Variants in NIFK observed in about 807,000 individuals in gnomAD.
The protein encoded by NIFK is MKI67 FHA domain-interacting nucleolar phosphoprotein.
Under a neutral mutation model 31.7 loss-of-function variants are expected in NIFK, and 16 were observed. The ratio of observed to expected loss-of-function variants is 0.50; its 90% CI spans 0.34 to 0.77. NIFK has a LOEUF of 0.77. NIFK is among the 30% of genes least tolerant of loss of function. The probability of loss-of-function intolerance (pLI) is 0.01; values close to 1 mark genes in which losing one functional copy is unlikely to be tolerated. For missense variants in NIFK, 341 were observed against 350.4 expected (o/e 0.97, Z 0.21); for synonymous variants, 126 against 123.0 (o/e 1.02, Z -0.16).
In NIFK at chr2:121,731,054, T is replaced by C. The variant is rs184802204; in HGVS notation, c.403A>G (p.Asn135Asp). The change falls in exon 4 of 7, where the codon AAT becomes GAT. Residue 135 changes from asparagine (N) to aspartate (D), a missense_variant. Transcript: ENST00000285814. Reference sequence around the variant, plus strand: ...TATGATGGCTGCTTAAATGGAATATTCCAGTCTTTAAAGAGTTCTTTATGT... The same window carrying C: ...TATGATGGCTGCTTAAATGGAATATCCCAGTCTTTAAAGAGTTCTTTATGT... ...KVHKELFKDW[N>D]IPFKQPSYPS... is the part of the protein sequence containing the mutation. The C allele has an allele frequency of 6.2e-7, 1 of 1,612,430 alleles. No homozygotes were observed. Among genetic ancestry groups the C allele is most frequent in the South Asian group, 1.1e-5 (1 of 90,752 alleles).
At position 121,731,024 on chromosome 2, in the gene NIFK, A is replaced by G. The variant is rs548777022; in HGVS notation, c.433T>C (p.Ser145Pro). The change falls in exon 4 of 7, where the codon TCA becomes CCA. Residue 145 changes from serine (S) to proline (P), a missense_variant. Physicochemically the swap from Ser to Pro is moderately conservative, Grantham distance 74 (BLOSUM62 -1). Coordinates refer to ENST00000285814, the MANE Select transcript of NIFK (RefSeq NM_032390.5). ...CGATTCCGATTATACCGTTTCACTG[A>G]TGGATATGATGGCTGCTTAAATGGA... ...NIPFKQPSYP[S>P]VKRYNRNRTL... The G allele has an allele frequency of 6.2e-7, 1 of 1,612,612 alleles. No individual in the cohort carries two copies. The highest frequency in any genetic ancestry group is 1.3e-5 in the African/African-American group (1 of 75,000).
chr2:121,730,789 G>A (rs747952316), intron 4 of NIFK, 104 bp downstream of exon 4: 13 of 756,180 alleles, frequency 1.7e-5, no homozygotes, highest in Middle Eastern at 2.4e-4. Context: ...AAGTTGCAGT[G>A]AGTCAAGATT....
intron 3 of NIFK, among the ~76,000 whole-genome samples, chr2:121,731,359 A>C (rs2074538167): frequency 6.6e-6 from 1 of 152,052 alleles, no homozygotes; most frequent in Non-Finnish European, 1.5e-5. Context: ...TTTGCCTCCC[A>C]AGGGCAGCAG....
At chr2:121,735,829 A>G (rs1417916702) in intron 1 of NIFK, 79 bp from the exon 2 acceptor site, 1 of 1,224,636 alleles carries the variant, frequency 8.2e-7, no homozygotes. Context: ...CCCTCGGCCC[A>G]AGAACCTATT....
intron 4 of NIFK, among the ~76,000 whole-genome samples, chr2:121,729,211 C>A (rs1186129370): frequency 6.6e-6 from 1 of 151,546 alleles, no homozygotes; most frequent in Non-Finnish European, 1.5e-5. Flanking sequence ...AAAAAAAATA[C>A]AAAAAATTAG....
intron 2 of NIFK, among the ~76,000 whole-genome samples, chr2:121,732,459 T>C (rs985675242): frequency 6.6e-6 from 1 of 152,176 alleles, no homozygotes; most frequent in Non-Finnish European, 1.5e-5. Flanking sequence ...ACACAATTCC[T>C]ATGGCTGGAA....
chr2:121,735,687 C>G lies in NIFK; in HGVS notation c.169G>C (p.Asp57His). The change falls in exon 2 of 7, where the codon GAC (aspartate) becomes CAC (histidine). Residue 57 changes from aspartate (D) to histidine (H), a missense_variant. Asp to His is a moderately conservative substitution (Grantham distance 81). Coordinates refer to ENST00000285814, the MANE Select transcript of NIFK (RefSeq NM_032390.5). The part of the protein sequence containing the change: ...VYVRHLPNLL[D>H]ETQIFSYFSQ... ...AAATATGAAAAGATCTGGGTTTCGT[C>G]AAGTAGGTTAGGTAGGTGGCGCACA... 6.2e-7 allele frequency: 1 copy of G among 1,613,092 alleles called. No homozygotes were observed. Among genetic ancestry groups the G allele is most frequent in the Non-Finnish European group, 8.5e-7 (1 of 1,179,936 alleles).
chr2:121,730,219 AAAAAC>A (rs553647367), intron 4 of NIFK, among the ~76,000 whole-genome samples: 171 of 152,006 alleles, frequency 1.1e-3, no homozygotes, highest in African/African-American at 3.2e-3. Flanking sequence ...CTCTGTCTCA[AAAAAC>A]AAAACAAAAC....
At chr2:121,734,366 T>C (rs112080415) in intron 2 of NIFK, among the ~76,000 whole-genome samples, 3 of 152,256 alleles carry the variant, frequency 2.0e-5, no homozygotes, top group South Asian at 4.1e-4. Context: ...GCTCAGATTA[T>C]TGAATACAAA....
chr2:121,728,726 T>C (rs983312147), intron 4 of NIFK, 190 bp from the exon 5 acceptor site: 17 of 499,458 alleles, frequency 3.4e-5, no homozygotes, highest in African/African-American at 2.8e-4. Context: ...GTAGAGGAAT[T>C]GACAGAGCTG....
intron 3 of NIFK, 57 bp from the exon 4 acceptor site, chr2:121,731,161 G>A (rs183852153): frequency 2.7e-5 from 26 of 969,610 alleles, no homozygotes; most frequent in South Asian, 2.3e-4. Flanking sequence ...TAGAATCTCC[G>A]CAGTGCCATT....
chr2:121,728,725 T>G, intron 4 of NIFK, 189 bp from the exon 5 acceptor site: 1 of 499,428 alleles, frequency 2.0e-6, no homozygotes, highest in South Asian at 2.9e-5. Context: ...AGTAGAGGAA[T>G]TGACAGAGCT....
chr2:121,733,141 G>A (rs1417918702), intron 2 of NIFK, among the ~76,000 whole-genome samples: 2 of 151,916 alleles, frequency 1.3e-5, no homozygotes, highest in Non-Finnish European at 2.9e-5. Flanking sequence ...CACTCCAGGA[G>A]GCCGAGGTGG....
In NIFK at chr2:121,733,007, G is replaced by A. The variant is rs576623018; in HGVS notation, c.244-803C>T. Among the ~76,000 whole-genome samples the A allele has an allele frequency of 1.4e-3, 208 of 152,146 alleles. 3 individuals carry two copies. The highest frequency in any genetic ancestry group is 2.2e-4 in the Non-Finnish European group (15 of 68,008). ...TGAGCCAGAAGAATCACTTGAACCT[G>A]AGAGGCAGAGGTTGTAGTGAGCTGA... On this transcript the variant is annotated intron_variant, in intron 2 of 6. Coordinates refer to ENST00000285814, the MANE Select transcript of NIFK (RefSeq NM_032390.5).
chr2:121,732,027 C>T, intron 3 of NIFK, 69 bp downstream of exon 3: 2 of 859,944 alleles, frequency 2.3e-6, no homozygotes, highest in Non-Finnish European at 4.0e-6. Flanking sequence ...GGCAAGCCGC[C>T]CTTCCCACCA....
Position 121,731,151 on chromosome 2 carries a change from T to C in NIFK, c.353-47A>G, listed in dbSNP as rs538331817. 5 of 1,132,040 alleles carry C rather than the reference T, an allele frequency of 4.4e-6. No individual in the cohort carries two copies. In the South Asian group the frequency reaches 7.4e-5, roughly 17 times the overall value. 70.1% of individuals were successfully genotyped at this position (1,132,040 alleles called of 1,614,324 possible). ...CATAAAGGTATTTTAATGTTAACTT[T>C]AGAATCTCCGCAGTGCCATTCCTCA... On this transcript the variant is annotated intron_variant, in intron 3 of 6. Transcript: ENST00000285814.
chr2:121,731,551 T>G (rs1188110511), intron 3 of NIFK, among the ~76,000 whole-genome samples: 1 of 152,224 alleles, frequency 6.6e-6, no homozygotes, highest in African/African-American at 2.4e-5. Flanking sequence ...TTCCTGACCT[T>G]TGATGCTATC....
At position 121,731,093 on chromosome 2, in the gene NIFK, G is replaced by A. The variant is rs534245053; in HGVS notation, c.364C>T (p.Pro122Ser). 3 of 1,560,712 alleles carry A rather than the reference G, an allele frequency of 1.9e-6. No homozygotes were observed. In the East Asian group the frequency reaches 6.8e-5, roughly 35 times the overall value. ...AGTTCTTTATGTACTTTTTCAGGTG[G>A]CATAAAATGACCTATTTTCAAAAAG... ...GERLLECHFM[P>S]PEKVHKELFK... The change falls in exon 4 of 7, where the codon CCA becomes TCA. Residue 122 changes from proline (P) to serine (S), a missense_variant. By Grantham distance (74) the Pro-to-Ser change is moderately conservative. Coordinates refer to ENST00000285814, the MANE Select transcript of NIFK (RefSeq NM_032390.5).
In NIFK at chr2:121,736,837, G is replaced by C; in HGVS notation, c.14C>G (p.Ser5Cys). 2 of 1,614,052 alleles carry C rather than the reference G, an allele frequency of 1.2e-6. No individual in the cohort carries two copies. Among genetic ancestry groups the C allele is most frequent in the Non-Finnish European group, 8.5e-7 (1 of 1,179,914 alleles). ...CGACAGGATTGGCCCAGCCGGGCCAGAAAAAGTCGCCATGCCAAAAGCCGC... is the reference window on the plus strand; with the variant it reads ...CGACAGGATTGGCCCAGCCGGGCCACAAAAAGTCGCCATGCCAAAAGCCGC... MATF[S>C]GPAGPILSLN... The change falls in exon 1 of 7, where the codon TCT (serine) becomes TGT (cysteine). Residue 5 changes from serine to cysteine, a missense_variant. By Grantham distance (112) the Ser-to-Cys change is moderately radical (BLOSUM62 -1). Transcript: ENST00000285814.
Sources: gnomAD v4.1 joint callset for allele counts (sites outside exome capture counted in the v4.1 genomes callset) on GRCh38, gnomAD v4.1.1 for gene constraint, MANE v1.5 for transcripts, NCBI Gene and HGNC (gene_info 2026-07-23, HGNC 2026-07-21) for gene names.